Variants in NLRP7 observed in about 807,000 individuals in gnomAD.
NLRP7 encodes NLR family pyrin domain containing 7, also known as NACHT, LRR and PYD domains-containing protein 7.
A neutral mutation model predicts 85.5 loss-of-function variants in NLRP7; 72 were observed. That is an observed-to-expected ratio of 0.84 (90% CI 0.70 to 1.02). The LOEUF is 1.02. NLRP7 is among the 50% of genes least tolerant of loss of function. The pLI, the probability that NLRP7 is intolerant of heterozygous loss-of-function variation, is 0.00. For synonymous variants in NLRP7, 550 were observed against 505.2 expected (o/e 1.09, Z -1.19); for missense variants, 1,243 against 1,219.5 (o/e 1.02, Z -0.29).
At chr19:54,932,099 G>A (rs28545394) in intron 8 of NLRP7, among the ~76,000 whole-genome samples, 45,777 of 151,936 alleles carry the variant, frequency 0.3, 7,214 homozygotes, top group East Asian at 0.41. Context: ...GGTACACTTC[G>A]TATAACGATC....
At chr19:54,939,858 C>T in exon 4 of NLRP7, 8 of 1,613,936 alleles carry the variant, frequency 5.0e-6, no homozygotes, top group Non-Finnish European at 6.8e-6. Flanking sequence ...AAGCCCTCCA[C>T]CCTTACGTAG....
intron 1 of NLRP7, among the ~76,000 whole-genome samples, chr19:54,962,769 T>G (rs1253325880): frequency 1.3e-5 from 2 of 150,104 alleles, no homozygotes; most frequent in South Asian, 2.1e-4. Flanking sequence ...CCGGCTAATT[T>G]TTTGTATTTT....
chr19:54,940,201 G>A (rs202205894), exon 4 of NLRP7: 38 of 1,614,076 alleles, frequency 2.4e-5, no homozygotes, highest in African/African-American at 2.7e-5. Flanking sequence ...GGTAGAACGC[G>A]TATCTGAGCG....
intron 1 of NLRP7, among the ~76,000 whole-genome samples, chr19:54,945,010 C>T (rs372671586): frequency 9.2e-5 from 14 of 151,718 alleles, no homozygotes; most frequent in African/African-American, 3.1e-4. Flanking sequence ...GAGGCCGAGG[C>T]GGGCAGATCA....
intron 6 of NLRP7, among the ~76,000 whole-genome samples, chr19:54,935,602 A>AGGT (rs1556728038): frequency 4.7e-5 from 1 of 21,350 alleles, no homozygotes; most frequent in Non-Finnish European, 1.0e-4. Context: ...AAGCTGAGGC[A>AGGT]GAACTGCTTG....
At chr19:54,954,101 C>T (rs1037933286) in intron 1 of NLRP7, among the ~76,000 whole-genome samples, 5 of 149,228 alleles carry the variant, frequency 3.4e-5, no homozygotes, top group Admixed American at 3.3e-4. Context: ...TTGTCCTCAC[C>T]GCTCCACTCC....
intron 1 of NLRP7, among the ~76,000 whole-genome samples, chr19:54,955,511 A>G (rs2069822911): frequency 6.6e-6 from 1 of 152,122 alleles, no homozygotes. Flanking sequence ...TTGATCAAAT[A>G]TACAGAATTT....
At chr19:54,938,651 G>A (rs113919720) in intron 4 of NLRP7, among the ~76,000 whole-genome samples, 16 of 152,276 alleles carry the variant, frequency 1.1e-4, no homozygotes, top group Admixed American at 2.6e-4. Context: ...ACTTGAACCC[G>A]GGAGGCGGAG....
upstream of NLRP7, among the ~76,000 whole-genome samples, chr19:54,950,225 C>T (rs2069625554): frequency 6.6e-6 from 1 of 152,136 alleles, no homozygotes; most frequent in South Asian, 2.1e-4. Flanking sequence ...ACTTCGGACT[C>T]CTCTAAACCT....
chr19:54,943,881 TC>T (rs1185332634), intron 1 of NLRP7, among the ~76,000 whole-genome samples: 1 of 152,142 alleles, frequency 6.6e-6, no homozygotes, highest in Non-Finnish European at 1.5e-5. Flanking sequence ...AACCCTGTGC[TC>T]CCAGAAACAT....
rs647844 is a variant in NLRP7, at chr19:54,930,373, A to G, written c.2810+126T>C. On this transcript the variant is annotated intron_variant, in intron 9 of 9. Coordinates refer to ENST00000340844, the Ensembl canonical transcript of NLRP7. ...GCTACTCAGGAGGCTGAGGTGGGAG[A>G]ACCGATCAAGCCTGGAAGACCGAAG... The G allele has an allele frequency of 0.57, 400,017 of 698,762 alleles. 115,851 individuals carry two copies. The highest frequency in any genetic ancestry group is 0.72 in the East Asian group (26,552 of 36,934). 43.3% of individuals were successfully genotyped at this position (698,762 alleles called of 1,614,324 possible).
chr19:54,963,606 C>G (rs2070147753), intron 1 of NLRP7, among the ~76,000 whole-genome samples: 1 of 151,836 alleles, frequency 6.6e-6, no homozygotes, highest in African/African-American at 2.4e-5. Context: ...AGCAGATTAC[C>G]TGAGGTTGGG....
At chr19:54,947,244 G>A (rs1235614558) in intron 1 of NLRP7, among the ~76,000 whole-genome samples, 3 of 151,916 alleles carry the variant, frequency 2.0e-5, no homozygotes, top group African/African-American at 4.8e-5. Context: ...AGAATGGCGG[G>A]TGAACCCAGG....
upstream of NLRP7, chr19:54,947,951 T>C (rs984722523): frequency 4.0e-6 from 1 of 247,480 alleles, no homozygotes; most frequent in African/African-American, 2.3e-5. Context: ...AAGTCTACTT[T>C]GTGGCCAACT....
chr19:54,935,653 C>A (rs369162960), intron 6 of NLRP7, among the ~76,000 whole-genome samples: 52 of 150,892 alleles, frequency 3.4e-4, no homozygotes, highest in African/African-American at 1.2e-3. Context: ...GATCGCGCCA[C>A]TGCGCTCCAG....
chr19:54,946,197 G>A (rs2069466141), intron 1 of NLRP7, among the ~76,000 whole-genome samples: 3 of 151,350 alleles, frequency 2.0e-5, no homozygotes, highest in Admixed American at 1.3e-4. Flanking sequence ...GTGAGCCACC[G>A]CATCTGGCCA....
At chr19:54,933,706 G>A (rs907550359) in exon 8 of NLRP7, 2 of 1,614,056 alleles carry the variant, frequency 1.2e-6, no homozygotes, top group African/African-American at 2.7e-5. Context: ...CAAGGTCCTT[G>A]CAACTGGCTT....
intron 9 of NLRP7, among the ~76,000 whole-genome samples, chr19:54,924,440 C>T (rs968577584): frequency 2.0e-5 from 3 of 151,664 alleles, no homozygotes; most frequent in Admixed American, 6.6e-5. Flanking sequence ...CTGGGCAACA[C>T]GGTGAAACCC....
intron 9 of NLRP7, among the ~76,000 whole-genome samples, chr19:54,928,305 G>C (rs771912721): frequency 6.6e-5 from 10 of 152,140 alleles, no homozygotes; most frequent in Non-Finnish European, 1.3e-4. Flanking sequence ...AGAGGCAGGA[G>C]AATCGCCTGA....
Sources: gnomAD v4.1 joint callset for allele counts (sites outside exome capture counted in the v4.1 genomes callset) on GRCh38, gnomAD v4.1.1 for gene constraint, MANE v1.5 for transcripts, NCBI Gene and HGNC (gene_info 2026-07-23, HGNC 2026-07-21) for gene names.